Variants in DMD observed in about 807,000 individuals in gnomAD.
DMD encodes dystrophin.
A neutral mutation model predicts 330.1 loss-of-function variants in DMD; 63 were observed. That is an observed-to-expected ratio of 0.19 (90% confidence interval 0.16 to 0.24). DMD has a LOEUF of 0.24. Ranked by LOEUF, DMD falls within the 10% of genes least tolerant of loss-of-function variation. DMD has a pLI of 1.00. For synonymous variants in DMD, 1,223 were observed against 959.8 expected, an observed-to-expected ratio of 1.27 and a Z score of -5.07; for missense variants, 3,344 against 2,684.1, an observed-to-expected ratio of 1.25 and a Z score of -5.43.
intron 51 of DMD, among the ~76,000 whole-genome samples, chrX:31,752,890 C>A (rs1392504958): frequency 8.9e-6 from 1 of 111,780 alleles, no homozygotes; most frequent in Non-Finnish European, 1.9e-5. Flanking sequence ...TTTTTGAATT[C>A]TTTTCTCTGC....
chrX:31,328,221 T>A (rs1569527122), intron 61 of DMD, among the ~76,000 whole-genome samples: 1 of 112,247 alleles, frequency 8.9e-6, no homozygotes, highest in Non-Finnish European at 1.9e-5. Flanking sequence ...CATATTTTAG[T>A]TACTTTTTTA....
intron 59 of DMD, among the ~76,000 whole-genome samples, chrX:31,455,749 G>C (rs1569544031): frequency 8.9e-6 from 1 of 112,407 alleles, no homozygotes. Flanking sequence ...AAAATGGAGT[G>C]AGTGGGAAAA....
intron 17 of DMD, among the ~76,000 whole-genome samples, chrX:32,534,752 T>C (rs2047799808): frequency 9.0e-6 from 1 of 111,358 alleles, no homozygotes; most frequent in African/African-American, 3.3e-5. Flanking sequence ...CCTATCTTCA[T>C]GACCTCATCT....
intron 62 of DMD, among the ~76,000 whole-genome samples, chrX:31,296,456 G>T (rs1437158610): frequency 9.0e-6 from 1 of 111,617 alleles, no homozygotes; most frequent in Non-Finnish European, 1.9e-5. Context: ...AGGCAATTTT[G>T]TCACAAAGAT....
intron 44 of DMD, among the ~76,000 whole-genome samples, chrX:32,104,881 T>C (rs1372777074): frequency 1.8e-5 from 2 of 111,697 alleles, no homozygotes; most frequent in East Asian, 5.7e-4. Flanking sequence ...AGGAAACTTC[T>C]AGAAATTGTT....
intron 2 of DMD, among the ~76,000 whole-genome samples, chrX:32,861,046 G>T (rs141294456): frequency 6.4e-4 from 71 of 111,740 alleles, no homozygotes; most frequent in African/African-American, 2.3e-3. Flanking sequence ...GAATGCCTTG[G>T]GTTCAACTCC....
intron 55 of DMD, among the ~76,000 whole-genome samples, chrX:31,610,797 A>G (rs2077871035): frequency 8.9e-6 from 1 of 111,752 alleles, no homozygotes; most frequent in Non-Finnish European, 1.9e-5. Flanking sequence ...ATGAGTCATT[A>G]GAGTGTAACA....
At chrX:31,793,419 G>A (rs145879244) in intron 50 of DMD, among the ~76,000 whole-genome samples, 19 of 111,222 alleles carry the variant, frequency 1.7e-4, no homozygotes, top group East Asian at 8.5e-4. Flanking sequence ...GCTCCTCAAC[G>A]TACAATGGGA....
At chrX:31,181,425 ATTC>A (rs1037834000) in intron 68 of DMD, among the ~76,000 whole-genome samples, 28 of 111,455 alleles carry the variant, frequency 2.5e-4, no homozygotes, top group African/African-American at 8.2e-4. Context: ...CCTCCAAGGC[ATTC>A]TTCTTCTTTA....
intron 1 of DMD, among the ~76,000 whole-genome samples, chrX:33,067,769 C>T (rs150931943): frequency 0.041 from 4,512 of 110,485 alleles, 168 homozygotes; most frequent in African/African-American, 0.11. Flanking sequence ...CGCTTGAACC[C>T]GAGAGGTGGA....
intron 60 of DMD, among the ~76,000 whole-genome samples, chrX:31,356,613 A>AGC (rs1227875468): frequency 8.9e-6 from 1 of 112,070 alleles, no homozygotes; most frequent in Non-Finnish European, 1.9e-5. Context: ...CAAAACAGCA[A>AGC]GCTCTTTGTC....
intron 62 of DMD, among the ~76,000 whole-genome samples, chrX:31,319,271 G>C (rs1189943403): frequency 2.7e-5 from 3 of 111,865 alleles, no homozygotes; most frequent in African/African-American, 9.7e-5. Context: ...CAGACTAAAA[G>C]ACTAAAAAGG....
chrX:32,772,871 T>A (rs2073763835), intron 7 of DMD, among the ~76,000 whole-genome samples: 1 of 111,811 alleles, frequency 8.9e-6, no homozygotes, highest in Admixed American at 9.5e-5. Flanking sequence ...ACATATCAAA[T>A]TGTTTAAGCT....
At chrX:31,968,874 T>C (rs1443340136) in intron 44 of DMD, among the ~76,000 whole-genome samples, 1 of 111,779 alleles carries the variant, frequency 8.9e-6, no homozygotes, top group Non-Finnish European at 1.9e-5. Flanking sequence ...GTCTATGAAA[T>C]GTTGTAAAAT....
intron 13 of DMD, among the ~76,000 whole-genome samples, chrX:32,574,841 T>A (rs2052845768): frequency 9.0e-6 from 1 of 111,205 alleles, no homozygotes; most frequent in Admixed American, 9.6e-5. Context: ...ACCTAGAGGA[T>A]ATTAACACAT....
chrX:33,188,561 C>T (rs1191117746), intron 1 of DMD, among the ~76,000 whole-genome samples: 2 of 110,836 alleles, frequency 1.8e-5, no homozygotes, highest in Non-Finnish European at 3.8e-5. Flanking sequence ...GGGAACCAGT[C>T]GGGTCACAGG....
intron 62 of DMD, among the ~76,000 whole-genome samples, chrX:31,268,099 C>G (rs1024286025): frequency 8.9e-6 from 1 of 111,859 alleles, no homozygotes; most frequent in Admixed American, 9.4e-5. Flanking sequence ...CTGTGTTGCC[C>G]AGGCTGGTCT....
At chrX:33,083,394 A>C (rs2094959240) in intron 1 of DMD, among the ~76,000 whole-genome samples, 1 of 111,679 alleles carries the variant, frequency 9.0e-6, no homozygotes, top group Admixed American at 9.5e-5. Context: ...AAAGCTCAAA[A>C]TTTTTCATCT....
intron 2 of DMD, among the ~76,000 whole-genome samples, chrX:32,867,169 T>TAA (rs35927892): frequency 9.8e-6 from 1 of 102,392 alleles, no homozygotes; most frequent in Non-Finnish European, 2.0e-5. Context: ...TTGGAGAAGT[T>TAA]AAAAAAAAAA....
Sources: allele counts gnomAD v4.1 joint callset (sites outside exome capture counted in the v4.1 genomes callset), GRCh38; gene constraint gnomAD v4.1.1; transcripts MANE v1.5; gene names NCBI Gene and HGNC (gene_info 2026-07-23, HGNC 2026-07-21).